The following XKR6 variants were observed in gnomAD, a reference collection of about 807,000 sequenced individuals.
XKR6 encodes the protein XK related 6, also known as XK-related protein 6.
XKR6 carries 22 observed loss-of-function variants against 56.7 expected under a neutral mutation model. That is an observed-to-expected ratio of 0.39 (90% CI 0.28 to 0.55). The LOEUF is 0.55. XKR6 is among the 20% of genes least tolerant of loss of function. The probability of loss-of-function intolerance (pLI) is 0.66; values close to 1 mark genes in which losing one functional copy is unlikely to be tolerated. For synonymous variants in XKR6, 524 were observed against 387.8 expected, an observed-to-expected ratio of 1.35 and a Z score of -4.13; for missense variants, 852 against 889.0, an observed-to-expected ratio of 0.96 and a Z score of 0.53.
At chr8:11,086,531 C>T (rs1470223947) in intron 1 of XKR6, among the ~76,000 whole-genome samples, 1 of 152,198 alleles carries the variant, frequency 6.6e-6, no homozygotes, top group East Asian at 1.9e-4. Flanking sequence ...CTACACCCTG[C>T]CCAGCCCACA....
chr8:11,174,460 A>C (rs1802554110), intron 1 of XKR6, among the ~76,000 whole-genome samples: 1 of 152,174 alleles, frequency 6.6e-6, no homozygotes, highest in Admixed American at 6.5e-5. Context: ...CACCGCATCG[A>C]CTCCAACACT....
chr8:11,018,472 G>C (rs1427543115), intron 1 of XKR6, among the ~76,000 whole-genome samples: 1 of 152,174 alleles, frequency 6.6e-6, no homozygotes, highest in East Asian at 1.9e-4. Flanking sequence ...CGGGCCTCCA[G>C]GCTAGCACTT....
chr8:11,075,709 C>G (rs1185036334), intron 1 of XKR6, among the ~76,000 whole-genome samples: 1 of 152,130 alleles, frequency 6.6e-6, no homozygotes, highest in Non-Finnish European at 1.5e-5. Context: ...CCCGCCTCTA[C>G]TAAAAATACA....
At chr8:10,999,391 T>C (rs192085764) in intron 1 of XKR6, among the ~76,000 whole-genome samples, 295 of 152,370 alleles carry the variant, frequency 1.9e-3, no homozygotes, top group African/African-American at 6.9e-3. Context: ...TAGAATATGT[T>C]CTCATTAATG....
intron 1 of XKR6, among the ~76,000 whole-genome samples, chr8:10,954,564 T>C (rs972731132): frequency 6.6e-6 from 1 of 152,242 alleles, no homozygotes; most frequent in Non-Finnish European, 1.5e-5. Flanking sequence ...AAGTCCTTAA[T>C]CAAACACATG....
At chr8:11,046,335 G>A (rs1034312707) in intron 1 of XKR6, among the ~76,000 whole-genome samples, 3 of 152,154 alleles carry the variant, frequency 2.0e-5, no homozygotes, top group African/African-American at 7.2e-5. Context: ...AGGAGACAGA[G>A]GTTGCAATGA....
intron 1 of XKR6, among the ~76,000 whole-genome samples, chr8:11,172,047 CCT>C (rs1345337722): frequency 6.6e-6 from 1 of 150,670 alleles, no homozygotes; most frequent in East Asian, 2.0e-4. Flanking sequence ...AGCAAGATCC[CCT>C]GTCAAAAAAT....
intron 1 of XKR6, among the ~76,000 whole-genome samples, chr8:10,962,304 TG>T (rs1802087921): frequency 6.6e-6 from 1 of 152,162 alleles, no homozygotes; most frequent in African/African-American, 2.4e-5. Flanking sequence ...TAACCAGCTT[TG>T]GGGGACACCA....
intron 1 of XKR6, among the ~76,000 whole-genome samples, chr8:11,085,938 A>C (rs959624185): frequency 4.6e-5 from 7 of 152,026 alleles, no homozygotes; most frequent in African/African-American, 1.7e-4. Context: ...CTGCATTTCC[A>C]CCAACTTCCC....
At chr8:10,900,872 T>TTTTTTTGTCA (rs57246698) in intron 2 of XKR6, among the ~76,000 whole-genome samples, 1 of 149,558 alleles carries the variant, frequency 6.7e-6, no homozygotes, top group Non-Finnish European at 1.5e-5. Context: ...TTTTTTTTTT[T>TTTTTTTGTCA]GAGACAGGGT....
At chr8:11,078,676 C>T (rs1187191608) in intron 1 of XKR6, among the ~76,000 whole-genome samples, 1 of 152,202 alleles carries the variant, frequency 6.6e-6, no homozygotes, top group East Asian at 1.9e-4. Flanking sequence ...CCCATGACAG[C>T]ACGAAGGCTG....
chr8:10,984,034 T>C (rs531939025), intron 1 of XKR6, among the ~76,000 whole-genome samples: 1 of 152,286 alleles, frequency 6.6e-6, no homozygotes, highest in Non-Finnish European at 1.5e-5. Flanking sequence ...GGACCAATCT[T>C]ACTTGGAATA....
At chr8:10,974,580 C>T (rs1260155736) in intron 1 of XKR6, among the ~76,000 whole-genome samples, 1 of 152,220 alleles carries the variant, frequency 6.6e-6, no homozygotes, top group Non-Finnish European at 1.5e-5. Flanking sequence ...ATTTCATCCC[C>T]ACTCCCAGCT....
chr8:10,937,981 C>G (rs974135790), intron 1 of XKR6, among the ~76,000 whole-genome samples: 1 of 151,360 alleles, frequency 6.6e-6, no homozygotes, highest in South Asian at 2.1e-4. Flanking sequence ...TGAGCAATGG[C>G]GGGCGCCCCT....
Position 10,990,875 on chromosome 8 carries a change from G to A in XKR6, c.765-66045C>T, listed in dbSNP as rs1166314307. 2.0e-5 allele frequency among the ~76,000 whole-genome samples: 3 copies of A among 147,166 alleles called. No individual in the cohort carries two copies. In the East Asian group the frequency reaches 6.0e-4, roughly 29 times the overall value. ...TAGGATTACAGGTGTTCATCACCAT[G>A]CCCGGCCACTGGGGAATGTCTTTTT... On this transcript the variant is annotated intron_variant, in intron 1 of 2. Coordinates refer to ENST00000416569, the MANE Select transcript of XKR6 (RefSeq NM_173683.4).
chr8:11,180,855 T>A (rs1802935698), intron 1 of XKR6, among the ~76,000 whole-genome samples: 1 of 152,180 alleles, frequency 6.6e-6, no homozygotes, highest in Non-Finnish European at 1.5e-5. Context: ...TGCAGTGCAT[T>A]ATGATCATGT....
chr8:11,093,360 C>T (rs951576767), intron 1 of XKR6, among the ~76,000 whole-genome samples: 2 of 152,060 alleles, frequency 1.3e-5, no homozygotes, highest in African/African-American at 4.8e-5. Flanking sequence ...CAGATCTTCC[C>T]CAGCTTTCTA....
intron 1 of XKR6, among the ~76,000 whole-genome samples, chr8:10,980,190 C>A (rs1797697001): frequency 6.6e-6 from 1 of 152,186 alleles, no homozygotes; most frequent in African/African-American, 2.4e-5. Context: ...CAGTTCCCCA[C>A]TGAGAGGGGC....
chr8:10,927,729 C>T (rs1479990047), intron 1 of XKR6, among the ~76,000 whole-genome samples: 1 of 152,146 alleles, frequency 6.6e-6, no homozygotes, highest in Non-Finnish European at 1.5e-5. Flanking sequence ...GGGATGCCTG[C>T]CAGGAGGAGC....
Sources: gnomAD v4.1 joint callset for allele counts (sites outside exome capture counted in the v4.1 genomes callset) on GRCh38, gnomAD v4.1.1 for gene constraint, MANE v1.5 for transcripts, NCBI Gene and HGNC (gene_info 2026-07-23, HGNC 2026-07-21) for gene names.